Variants in DNHD1 observed in about 807,000 individuals in gnomAD.
The protein encoded by DNHD1 is dynein heavy chain domain 1, also known as dynein heavy chain domain-containing protein 1.
A neutral mutation model predicts 458.1 loss-of-function variants in DNHD1; 383 were observed. The observed-to-expected ratio is 0.84, with a 90% CI of 0.77 to 0.91. The LOEUF (loss-of-function observed/expected upper bound fraction) is 0.91. Ranked by LOEUF, DNHD1 falls within the 40% of genes least tolerant of loss-of-function variation. DNHD1 has a pLI of 0.00. For synonymous variants in DNHD1, 2,203 were observed against 2,376.9 expected (o/e 0.93, Z 2.13); for missense variants, 5,336 against 5,866.1 (o/e 0.91, Z 2.95).
chr11:6,529,698 AC>A (rs150028914), intron 12 of DNHD1, among the ~76,000 whole-genome samples: 2,038 of 152,222 alleles, frequency 0.013, 52 homozygotes, highest in African/African-American at 0.047. Context: ...CCAAGGTGCC[AC>A]CTGTACTGGG....
chr11:6,548,446 C>A lies in DNHD1; in HGVS notation c.7098+44C>A. On this transcript the variant is annotated intron_variant, in intron 23 of 42. Coordinates refer to ENST00000254579, the MANE Select transcript of DNHD1 (RefSeq NM_144666.3). This position sits in a 1 kb window ranked among gnomAD's most constrained non-coding sequence, Gnocchi z 4.4. ...AAGAGCTGGGGTTAGAACTTCAGGACTTATTTTAGGGGTAATCCATGTTCA... is the reference window on the plus strand; with the variant it reads ...AAGAGCTGGGGTTAGAACTTCAGGAATTATTTTAGGGGTAATCCATGTTCA... 6.5e-7 allele frequency: 1 copy of A among 1,537,258 alleles called. No homozygotes were observed. The highest frequency in any genetic ancestry group is 1.4e-5 in the African/African-American group (1 of 72,642).
intron 10 of DNHD1, 84 bp from the exon 11 acceptor site, chr11:6,528,428 TGTGTGTGTAC>T (rs936305836): frequency 3.3e-5 from 44 of 1,323,032 alleles, no homozygotes; most frequent in Non-Finnish European, 4.1e-5. Flanking sequence ...TGTGTGTGTG[TGTGTGTGTAC>T]ACACACTGAG....
intron 33 of DNHD1, 103 bp from the exon 34 acceptor site, chr11:6,566,138 T>C: frequency 6.7e-7 from 1 of 1,497,008 alleles, no homozygotes; most frequent in Non-Finnish European, 9.0e-7. Context: ...GGAACCCTCC[T>C]ATCAGCCACA....
intron 12 of DNHD1, 129 bp from the exon 13 acceptor site, chr11:6,532,898 A>G: frequency 1.2e-6 from 1 of 859,810 alleles, no homozygotes; most frequent in South Asian, 1.7e-5. Flanking sequence ...CAGGGATTCA[A>G]CAAGCATTAA....
At chr11:6,524,570 A>G (rs1307893161) in intron 10 of DNHD1, among the ~76,000 whole-genome samples, 1 of 152,244 alleles carries the variant, frequency 6.6e-6, no homozygotes, top group Non-Finnish European at 1.5e-5. Flanking sequence ...GACAAGGAGT[A>G]TGATTGATTC....
chr11:6,568,047 G>C lies in DNHD1; in HGVS notation c.12352-9G>C. On this transcript the variant is annotated splice_polypyrimidine_tract_variant and intron_variant, in intron 36 of 42. Coordinates refer to ENST00000254579, the MANE Select transcript of DNHD1 (RefSeq NM_144666.3). ...TGAGTCATGCTGCCATCTCTTTTTT[G>C]GTCCCCAGGGGCAGAAGCAACTGCA... 1.9e-6 allele frequency: 3 copies of C among 1,549,542 alleles called. No homozygotes were observed. Among genetic ancestry groups the C allele is most frequent in the Non-Finnish European group, 8.7e-7 (1 of 1,146,616 alleles).
At chr11:6,539,396 G>C (rs1564813442) in intron 17 of DNHD1, 83 bp downstream of exon 17, 6 of 1,094,512 alleles carry the variant, frequency 5.5e-6, no homozygotes, top group Admixed American at 2.0e-5. Context: ...TGGGTGTTTG[G>C]CATGTGATTT....
rs1853193353 is a variant in DNHD1, at chr11:6,545,549, C to T, written c.4610C>T (p.Ser1537Phe). The change falls in exon 21 of 43, where the codon TCC becomes TTC. Residue 1537 changes from serine (S) to phenylalanine (F), a missense_variant. Physicochemically the swap from Ser to Phe is radical, Grantham distance 155 (BLOSUM62 -2). Transcript: ENST00000254579. This position sits in a 1 kb window ranked among gnomAD's most constrained non-coding sequence, Gnocchi z 4.9. ...GAGTGGGGTACCCTGGCCATGGTCT[C>T]CATGCATATGCGCAAGCTTGAGGTA... ...LLEWGTLAMV[S>F]MHMRKLEVLV... 6.4e-7 allele frequency: 1 copy of T among 1,551,864 alleles called. No individual in the cohort carries two copies. Among genetic ancestry groups the T allele is most frequent in the African/African-American group, 1.4e-5 (1 of 73,050 alleles).
rs183134534 is a variant in DNHD1, at chr11:6,538,180, T to C, written c.2999-203T>C. Among the ~76,000 whole-genome samples, 199 of 152,334 alleles carry C rather than the reference T, an allele frequency of 1.3e-3. 2 individuals are homozygous for C. The highest frequency in any genetic ancestry group is 2.7e-3 in the Admixed American group (41 of 15,300). On this transcript the variant is annotated intron_variant, in intron 14 of 42. Transcript: ENST00000254579. Reference sequence around the variant, plus strand: ...TTCACTGCCATCACATTTTCCCAGATGGTCTTTCCCTGGAGTAACTGTTCC... The same window carrying C: ...TTCACTGCCATCACATTTTCCCAGACGGTCTTTCCCTGGAGTAACTGTTCC...
rs1289006132 is a variant in DNHD1 at position 6,548,308 on chromosome 11, T to A, written c.7004T>A (p.Val2335Glu). Residue 2335 changes from valine to glutamate, a missense_variant, in exon 23 of 43, where the codon GTA becomes GAA. Val to Glu is a moderately radical substitution (Grantham distance 121). Coordinates refer to ENST00000254579, the MANE Select transcript of DNHD1 (RefSeq NM_144666.3). This position sits in a 1 kb window ranked among gnomAD's most constrained non-coding sequence, Gnocchi z 4.4. The part of the protein sequence containing the change: ...PPSALVFDLH[V>E]SPEDGTLVPF... The stretch of plus-strand genomic sequence containing the variant: ...TCAGCCTTGGTGTTTGATCTACATG[T>A]AAGCCCTGAAGATGGAACACTGGTC... 3 of 1,551,708 alleles carry A rather than the reference T, an allele frequency of 1.9e-6. No individual in the cohort carries two copies. The highest frequency in any genetic ancestry group is 1.7e-6 in the Non-Finnish European group (2 of 1,146,990).
intron 24 of DNHD1, among the ~76,000 whole-genome samples, chr11:6,552,066 G>C (rs11040916): frequency 0.47 from 69,834 of 148,166 alleles, 20,262 homozygotes; most frequent in South Asian, 0.62. Flanking sequence ...AGCATAGTGG[G>C]ACCCTCATTT....
At chr11:6,561,089 T>C (rs1440420985) in intron 28 of DNHD1, among the ~76,000 whole-genome samples, 1 of 152,140 alleles carries the variant, frequency 6.6e-6, no homozygotes, top group Non-Finnish European at 1.5e-5. Context: ...ATCTTACATG[T>C]CAAGTATTTA....
chr11:6,538,273 T>G, intron 14 of DNHD1, 110 bp from the exon 15 acceptor site: 14 of 654,466 alleles, frequency 2.1e-5, no homozygotes, highest in Non-Finnish European at 2.5e-5. Flanking sequence ...CCCCCAACCA[T>G]CACTTTCTGG....
chr11:6,547,211 A>G lies in DNHD1; in HGVS notation c.6272A>G (p.Asn2091Ser), dbSNP rs919743875. The G allele has an allele frequency of 1.7e-5, 26 of 1,551,744 alleles. No individual in the cohort carries two copies. Among genetic ancestry groups the G allele is most frequent in the Admixed American group, 3.9e-5 (2 of 50,998 alleles). ...TGGATAATATGTGATGGAGCCTCCAATGGTGCTTGGCTGGACTCCATCACT... is the reference window on the plus strand; with the variant it reads ...TGGATAATATGTGATGGAGCCTCCAGTGGTGCTTGGCTGGACTCCATCACT... Reference protein sequence around the residue: ...QHWIICDGASNGAWLDSITCL... With the variant: ...QHWIICDGASSGAWLDSITCL... The change falls in exon 21 of 43, where the codon AAT becomes AGT. Residue 2091 changes from asparagine to serine, a missense_variant. Transcript: ENST00000254579.
chr11:6,532,164 T>C (rs1437897514), intron 12 of DNHD1, among the ~76,000 whole-genome samples: 1 of 152,244 alleles, frequency 6.6e-6, no homozygotes, highest in Non-Finnish European at 1.5e-5. Context: ...CTATATTGTA[T>C]TTTTCCTATT....
intron 18 of DNHD1, among the ~76,000 whole-genome samples, chr11:6,540,807 A>C (rs1330416116): frequency 6.6e-6 from 1 of 152,196 alleles, no homozygotes; most frequent in African/African-American, 2.4e-5. Flanking sequence ...ATAGAGGAGA[A>C]TTTTCTTATT....
chr11:6,507,321 A>G (rs1852248174), intron 4 of DNHD1, among the ~76,000 whole-genome samples: 1 of 152,214 alleles, frequency 6.6e-6, no homozygotes, highest in Admixed American at 6.5e-5. Flanking sequence ...ATGAGTGAAT[A>G]TCCTCCAAAG....
Position 6,498,879 on chromosome 11 carries a change from C to T in DNHD1, c.664C>T (p.Leu222=). Residue 222 remains leucine, a synonymous_variant, in exon 3 of 43, where the codon CTG becomes TTG. Coordinates refer to ENST00000254579, the MANE Select transcript of DNHD1 (RefSeq NM_144666.3). ...TGGACTTAGTCTCCTTCCCTTGGCA[C>T]TGGCAGCGGACATCCCTGTACGGTA... is the stretch of plus-strand genomic sequence containing the variant. ...LDGLSLLPLA[L]AADIPVRYES... 1 of 1,614,236 alleles carries T rather than the reference C, an allele frequency of 6.2e-7. No homozygotes were observed. Among genetic ancestry groups the T allele is most frequent in the Non-Finnish European group, 8.5e-7 (1 of 1,180,040 alleles).
Position 6,570,039 on chromosome 11 carries a change from G to A in DNHD1, c.12894G>A (p.Gln4298=), listed in dbSNP as rs925312006. The change falls in exon 40 of 43, where the codon CAG becomes CAA. Residue 4298 remains glutamine (Q), a synonymous_variant. Coordinates refer to ENST00000254579, the MANE Select transcript of DNHD1 (RefSeq NM_144666.3). ...AAGTGACTCTAACCCAGGTTCTTCA[G>A]ACCCAAGACCAGCTGTGGGCAAGTC... ...WSQVTLTQVL[Q]TQDQLWASLS... 4.3e-6 allele frequency: 7 copies of A among 1,613,760 alleles called. No homozygotes were observed. In the Admixed American group the frequency reaches 5.0e-5, roughly 12 times the overall value.
Sources: allele counts gnomAD v4.1 joint callset (sites outside exome capture counted in the v4.1 genomes callset), GRCh38; gene constraint gnomAD v4.1.1; non-coding constraint Gnocchi (gnomAD v3.1); transcripts MANE v1.5; gene names NCBI Gene and HGNC (gene_info 2026-07-23, HGNC 2026-07-21).